CDKL5: variants seen among roughly 807,000 people sequenced by gnomAD.
CDKL5 encodes cyclin-dependent kinase-like 5.
In CDKL5, 8 loss-of-function variants were observed where a neutral mutation model predicts 61.7. That is an observed-to-expected ratio of 0.13 (90% CI 0.08 to 0.23). The LOEUF is 0.23. Among genes scored for constraint, CDKL5 ranks in the 10% least tolerant of loss-of-function variants. The pLI, the probability that CDKL5 is intolerant of heterozygous loss-of-function variation, is 1.00. For synonymous variants in CDKL5, 275 were observed against 272.3 expected, an observed-to-expected ratio of 1.01 and a Z score of -0.10; for missense variants, 440 against 734.5, an observed-to-expected ratio of 0.60 and a Z score of 4.63.
chrX:18,459,698 CTTTTTTTTTTTT>C (rs756249968), intron 1 of CDKL5, among the ~76,000 whole-genome samples: 26 of 53,577 alleles, frequency 4.9e-4, no homozygotes, highest in Non-Finnish European at 6.6e-4. Flanking sequence ...AGCTTTCTTT[CTTTTTTTTTTTT>C]TTTTTTTTTT....
chrX:18,483,697 G>A (rs1413722753), intron 1 of CDKL5, among the ~76,000 whole-genome samples: 1 of 110,567 alleles, frequency 9.0e-6, no homozygotes. Context: ...TGGGATTACA[G>A]GTGTGAGCCA....
chrX:18,644,205 A>AT (rs374521774), downstream of CDKL5, among the ~76,000 whole-genome samples: 24 of 109,966 alleles, frequency 2.2e-4, no homozygotes, highest in Admixed American at 1.3e-3. Context: ...ACTCAGACAA[A>AT]TTTTTTTTTT....
chrX:18,465,119 A>G (rs1932372317), intron 1 of CDKL5, among the ~76,000 whole-genome samples: 1 of 111,160 alleles, frequency 9.0e-6, no homozygotes, highest in Non-Finnish European at 1.9e-5. Flanking sequence ...GTTGGAGGTT[A>G]AGTTGAATTT....
chrX:18,604,627 T>C lies in CDKL5; in HGVS notation c.1703T>C (p.Met568Thr). The C allele has an allele frequency of 8.3e-7, 1 of 1,211,955 alleles. No homozygotes were observed. Among genetic ancestry groups the C allele is most frequent in the Non-Finnish European group, 1.1e-6 (1 of 895,512 alleles). The change falls in exon 12 of 18, where the codon ATG becomes ACG. Residue 568 changes from methionine (M) to threonine (T), a missense_variant. By Grantham distance (81) the Met-to-Thr change is moderately conservative. Around this residue, in one of 2 missense-constraint regions of CDKL5, gnomAD observed 363 missense variants for 516.3 expected, o/e 0.70. Coordinates refer to ENST00000623535, the MANE Select transcript of CDKL5 (RefSeq NM_001323289.2). Reference sequence around the variant, plus strand: ...ACCACAACCAGACATTCTAAGACGATGGAGGAATTGAAGCTGCCGGAGCAC... The same window carrying C: ...ACCACAACCAGACATTCTAAGACGACGGAGGAATTGAAGCTGCCGGAGCAC... ...RRTTTRHSKT[M>T]EELKLPEHMD...
chrX:18,595,462 CT>C (rs1925961637), intron 10 of CDKL5, 34 bp downstream of exon 10: 1 of 959,897 alleles, frequency 1.0e-6, no homozygotes, highest in Non-Finnish European at 1.5e-6. Context: ...TATAAAATGT[CT>C]TTTGGTTTGT....
intron 2 of CDKL5, 45 bp downstream of exon 2, chrX:18,507,205 GT>G: frequency 1.1e-6 from 1 of 885,061 alleles, no homozygotes; most frequent in Non-Finnish European, 1.7e-6. Flanking sequence ...GCAATGAACA[GT>G]TAGTTATTCC....
chrX:18,455,127 A>G (rs1303082704), intron 1 of CDKL5, among the ~76,000 whole-genome samples: 6 of 111,178 alleles, frequency 5.4e-5, no homozygotes, highest in Non-Finnish European at 9.4e-5. Flanking sequence ...CAGTAGGTTC[A>G]GTTTCGACGA....
chrX:18,526,234 A>T (rs1471242953), intron 3 of CDKL5, among the ~76,000 whole-genome samples: 3 of 112,132 alleles, frequency 2.7e-5, no homozygotes, highest in African/African-American at 9.7e-5. Context: ...TTCAAATTCT[A>T]GTTGTTCTTT....
chrX:18,648,220 T>C (rs978368275), intron 20 of CDKL5, among the ~76,000 whole-genome samples: 5 of 109,604 alleles, frequency 4.6e-5, no homozygotes, highest in Non-Finnish European at 7.6e-5. Flanking sequence ...TTCAACCCAG[T>C]ATTCATTCAT....
chrX:18,557,142 T>C (rs1368072255), intron 3 of CDKL5, among the ~76,000 whole-genome samples: 1 of 111,687 alleles, frequency 9.0e-6, no homozygotes, highest in African/African-American at 3.3e-5. Context: ...AAATGAATTG[T>C]AGACTATAGA....
downstream of CDKL5, chrX:18,641,876 T>G (rs1467599613): frequency 1.5e-6 from 1 of 648,175 alleles, no homozygotes; most frequent in African/African-American, 2.2e-5. Flanking sequence ...AAAAATTATC[T>G]ACCCAGCACT....
intron 1 of CDKL5, among the ~76,000 whole-genome samples, chrX:18,465,817 C>T (rs1484363835): frequency 8.9e-6 from 1 of 112,023 alleles, no homozygotes; most frequent in South Asian, 3.7e-4. Flanking sequence ...GATATCCCTT[C>T]ACTTTATTAG....
At chrX:18,565,079 T>C (rs1380972757) in intron 4 of CDKL5, among the ~76,000 whole-genome samples, 2 of 112,161 alleles carry the variant, frequency 1.8e-5, no homozygotes, top group African/African-American at 6.5e-5. Context: ...ATCCAGACCA[T>C]TTCAGACAGA....
At chrX:18,586,990 A>G (rs1925662685) in intron 8 of CDKL5, among the ~76,000 whole-genome samples, 1 of 112,281 alleles carries the variant, frequency 8.9e-6, no homozygotes, top group South Asian at 3.6e-4. Flanking sequence ...TTGTTATCCT[A>G]GAAATTTGTT....
Position 18,604,195 on chromosome X carries a change from A to C in CDKL5, c.1271A>C (p.Lys424Thr). 1 of 1,211,040 alleles carries C rather than the reference A, an allele frequency of 8.3e-7. No homozygotes were observed. Among genetic ancestry groups the C allele is most frequent in the Non-Finnish European group, 1.1e-6 (1 of 894,813 alleles). The change falls in exon 12 of 18, where the codon AAG becomes ACG. Residue 424 changes from lysine (K) to threonine (T), a missense_variant. By Grantham distance (78) the Lys-to-Thr change is moderately conservative (BLOSUM62 -1). Around this residue, in one of 2 missense-constraint regions of CDKL5, gnomAD observed 363 missense variants for 516.3 expected, o/e 0.70. Transcript: ENST00000623535. ...KTEFDFNIDP[K>T]PSEGPGTKYL... ...GAGTTTGATTTTAATATTGACCCAA[A>C]GCCTTCAGAAGGCCCAGGGACAAAG...
At chrX:18,614,799 A>T (rs184268541) in intron 15 of CDKL5, among the ~76,000 whole-genome samples, 1 of 112,591 alleles carries the variant, frequency 8.9e-6, no homozygotes, top group African/African-American at 3.2e-5. Context: ...TTGATAAGTC[A>T]TGACAAAATT....
downstream of CDKL5, among the ~76,000 whole-genome samples, chrX:18,643,673 C>A (rs539238962): frequency 8.0e-5 from 9 of 112,038 alleles, no homozygotes; most frequent in South Asian, 3.0e-3. Context: ...AAATTGTCAT[C>A]AGAGACTTAC....
chrX:18,614,829 A>G (rs761780544), intron 15 of CDKL5, among the ~76,000 whole-genome samples: 5 of 112,575 alleles, frequency 4.4e-5, no homozygotes, highest in South Asian at 3.6e-4. Flanking sequence ...GTGAGAATAC[A>G]GAAGTGCAGA....
At chrX:18,643,638 C>A (rs1275406381), downstream of CDKL5, among the ~76,000 whole-genome samples, 5 of 111,790 alleles carry the variant, frequency 4.5e-5, no homozygotes, top group Admixed American at 4.7e-4. Context: ...CTCCTTGGAA[C>A]AACCCATGAA....
Sources: gnomAD v4.1 joint callset for allele counts (sites outside exome capture counted in the v4.1 genomes callset) on GRCh38, gnomAD v4.1.1 for gene constraint, gnomAD v4.1.1 regional missense constraint, MANE v1.5 for transcripts, NCBI Gene and HGNC (gene_info 2026-07-23, HGNC 2026-07-21) for gene names.